ASXL3: variants seen among roughly 807,000 people sequenced by gnomAD.
The protein encoded by ASXL3 is ASXL transcriptional regulator 3, also known as putative Polycomb group protein ASXL3.
Under a neutral mutation model 170.6 loss-of-function variants are expected in ASXL3, and 34 were observed. The observed-to-expected ratio is 0.20, with a 90% CI of 0.15 to 0.27. The LOEUF (loss-of-function observed/expected upper bound fraction) is 0.27, where lower values mean the gene tolerates loss of function less well. Ranked by LOEUF, ASXL3 falls within the 10% of genes least tolerant of loss-of-function variation. ASXL3 has a pLI of 1.00. For synonymous variants in ASXL3, 1,002 were observed against 989.1 expected, an observed-to-expected ratio of 1.01 and a Z score of -0.24; for missense variants, 2,592 against 2,695.3, an observed-to-expected ratio of 0.96 and a Z score of 0.85.
chr18:33,733,723 C>T (rs2067491852), intron 9 of ASXL3, among the ~76,000 whole-genome samples: 1 of 152,072 alleles, frequency 6.6e-6, no homozygotes, highest in Admixed American at 6.5e-5. Flanking sequence ...TTATTTCTTG[C>T]TGTTTTACTC....
intron 4 of ASXL3, among the ~76,000 whole-genome samples, chr18:33,652,377 AT>A (rs1340067768): frequency 6.6e-6 from 1 of 152,042 alleles, no homozygotes; most frequent in Non-Finnish European, 1.5e-5. Context: ...ATAAATTGTT[AT>A]TAACAAGAAA....
intron 2 of ASXL3, 53 bp downstream of exon 2, chr18:33,607,729 C>A: frequency 7.3e-7 from 1 of 1,368,980 alleles, no homozygotes; most frequent in Non-Finnish European, 1.0e-6. Flanking sequence ...ATAATTGCCA[C>A]TCGTTGCTAA....
Position 33,738,669 on chromosome 18 carries a change from T to G in ASXL3, c.1265T>G (p.Leu422Arg). The change falls in exon 11 of 12, where the codon CTT becomes CGT. Residue 422 changes from leucine (L) to arginine (R), a missense_variant. Coordinates refer to ENST00000269197, the MANE Select transcript of ASXL3 (RefSeq NM_030632.3). ...ASPEPGFCATLCPMVEIPPKD... is the reference protein window; with the variant it reads ...ASPEPGFCATRCPMVEIPPKD... ...CCAGAGCCTGGTTTCTGTGCTACTC[T>G]TTGCCCTATGGTAGAAATTCCACCT... 1 of 1,613,954 alleles carries G rather than the reference T, an allele frequency of 6.2e-7. No individual in the cohort carries two copies. The highest frequency in any genetic ancestry group is 8.5e-7 in the Non-Finnish European group (1 of 1,179,848).
At chr18:33,680,849 A>G (rs556819855) in intron 7 of ASXL3, among the ~76,000 whole-genome samples, 9 of 151,682 alleles carry the variant, frequency 5.9e-5, no homozygotes, top group African/African-American at 1.9e-4. Context: ...TTTCCATATA[A>G]TTTTTATTTT....
At chr18:33,579,425 A>C (rs977474739) in intron 1 of ASXL3, among the ~76,000 whole-genome samples, 1 of 152,118 alleles carries the variant, frequency 6.6e-6, no homozygotes, top group Non-Finnish European at 1.5e-5. Flanking sequence ...TTAAGAGTGT[A>C]CAGCTAGGTG....
At chr18:33,590,676 T>C (rs1312829247) in intron 1 of ASXL3, among the ~76,000 whole-genome samples, 1 of 152,152 alleles carries the variant, frequency 6.6e-6, no homozygotes, top group Non-Finnish European at 1.5e-5. Flanking sequence ...ATGTTAAAGC[T>C]CAGGCATCCA....
chr18:33,710,215 C>T (rs1014359343), intron 8 of ASXL3, among the ~76,000 whole-genome samples: 2 of 152,122 alleles, frequency 1.3e-5, no homozygotes, highest in Admixed American at 6.5e-5. Flanking sequence ...AAGATCAGAT[C>T]GCACCACTGT....
In ASXL3 at chr18:33,744,918, G is replaced by T; in HGVS notation, c.5070G>T (p.Glu1690Asp). The T allele has an allele frequency of 6.2e-7, 1 of 1,614,006 alleles. No individual in the cohort carries two copies. Among genetic ancestry groups the T allele is most frequent in the Non-Finnish European group, 8.5e-7 (1 of 1,179,898 alleles). The change falls in exon 12 of 12, where the codon GAG becomes GAT. Residue 1690 changes from glutamate to aspartate, a missense_variant. By Grantham distance (45) the Glu-to-Asp change is conservative. Around this residue, in one of 4 missense-constraint regions of ASXL3, gnomAD observed 2,246 missense variants for 2,219.6 expected, o/e 1.01. Coordinates refer to ENST00000269197, the MANE Select transcript of ASXL3 (RefSeq NM_030632.3). Reference protein sequence around the residue: ...RMDTEDFPGPELPPPAAEGAS... With the variant: ...RMDTEDFPGPDLPPPAAEGAS... ...ACACTGAAGACTTCCCTGGCCCTGA[G>T]CTGCCTCCTCCGGCTGCAGAGGGAG...
intron 1 of ASXL3, among the ~76,000 whole-genome samples, chr18:33,598,113 C>A (rs930838553): frequency 6.6e-6 from 1 of 152,062 alleles, no homozygotes; most frequent in Non-Finnish European, 1.5e-5. Flanking sequence ...ATACACTAAG[C>A]ACCTTAATTT....
chr18:33,729,620 AAAG>A (rs2067409961), intron 8 of ASXL3, among the ~76,000 whole-genome samples: 1 of 152,260 alleles, frequency 6.6e-6, no homozygotes, highest in African/African-American at 2.4e-5. Context: ...AATGTATTGG[AAAG>A]AAGGAAAAAA....
chr18:33,679,941 A>G (rs556545382), intron 7 of ASXL3, among the ~76,000 whole-genome samples: 1 of 152,134 alleles, frequency 6.6e-6, no homozygotes, highest in East Asian at 1.9e-4. Flanking sequence ...AATAAAAAAT[A>G]CTTTTTTATT....
chr18:33,715,374 A>G (rs2067147367), intron 8 of ASXL3, among the ~76,000 whole-genome samples: 1 of 152,192 alleles, frequency 6.6e-6, no homozygotes, highest in Non-Finnish European at 1.5e-5. Context: ...GATCTACTAT[A>G]TATGTTAGCA....
intron 8 of ASXL3, among the ~76,000 whole-genome samples, chr18:33,708,530 A>G (rs1329531945): frequency 6.6e-6 from 1 of 152,130 alleles, no homozygotes; most frequent in African/African-American, 2.4e-5. Flanking sequence ...CATAAGTACT[A>G]TATAACACCC....
At chr18:33,628,591 C>A (rs2065634024) in intron 2 of ASXL3, among the ~76,000 whole-genome samples, 2 of 152,086 alleles carry the variant, frequency 1.3e-5, no homozygotes, top group African/African-American at 4.8e-5. Context: ...AGTAAAGATA[C>A]CCCACACTGG....
chr18:33,743,769 C>T lies in ASXL3; in HGVS notation c.3921C>T (p.Ala1307=), dbSNP rs1161946579. The change falls in exon 12 of 12, where the codon GCC becomes GCT. Residue 1307 remains alanine, a synonymous_variant. Transcript: ENST00000269197. ...PKCIESTPIS[A]TTEGSSISSS... Reference sequence around the variant, plus strand: ...GTATTGAAAGCACTCCCATTTCAGCCACTACAGAGGGCTCCAGCATATCAA... The same window carrying T: ...GTATTGAAAGCACTCCCATTTCAGCTACTACAGAGGGCTCCAGCATATCAA... The T allele has an allele frequency of 3.1e-6, 5 of 1,613,840 alleles. No individual in the cohort carries two copies. The highest frequency in any genetic ancestry group is 3.3e-5 in the Admixed American group (2 of 60,006).
intron 8 of ASXL3, among the ~76,000 whole-genome samples, chr18:33,697,519 T>C (rs1372920344): frequency 6.6e-6 from 1 of 152,140 alleles, no homozygotes; most frequent in Non-Finnish European, 1.5e-5. Flanking sequence ...TTATGATATC[T>C]TAGGCAGAAC....
intron 8 of ASXL3, among the ~76,000 whole-genome samples, chr18:33,689,160 T>G (rs1414722409): frequency 6.6e-6 from 1 of 152,054 alleles, no homozygotes; most frequent in African/African-American, 2.4e-5. Context: ...ATCTGGCTAA[T>G]TTTTTATATT....
chr18:33,739,949 C>T lies in ASXL3; in HGVS notation c.2545C>T (p.Pro849Ser). The change falls in exon 11 of 12, where the codon CCT (proline) becomes TCT (serine). Residue 849 changes from proline (P) to serine (S), a missense_variant. By Grantham distance (74) the Pro-to-Ser change is moderately conservative (BLOSUM62 -1). This residue lies in a region of ASXL3 where 2,246 missense variants were observed against 2,219.6 expected (regional missense o/e 1.01). Coordinates refer to ENST00000269197, the MANE Select transcript of ASXL3 (RefSeq NM_030632.3). ...ACATGTTGACACTGAGAAGCCCTAC[C>T]CTGCTTCAATTCCAGAACTTGCTTC... The part of the protein sequence containing the change: ...KSHVDTEKPY[P>S]ASIPELASTE... The T allele has an allele frequency of 1.2e-6, 2 of 1,613,880 alleles. No individual in the cohort carries two copies. The highest frequency in any genetic ancestry group is 1.7e-6 in the Non-Finnish European group (2 of 1,179,876).
Position 33,740,360 on chromosome 18 carries a change from C to G in ASXL3, c.2956C>G (p.Gln986Glu). Reference sequence around the variant, plus strand: ...AAAGAGAGCTAGGATAGAAGATGATCAGTCAACCCGGAACATATCATCTAG... The same window carrying G: ...AAAGAGAGCTAGGATAGAAGATGATGAGTCAACCCGGAACATATCATCTAG... ...KEKRARIEDD[Q>E]STRNISSSSP... The change falls in exon 11 of 12, where the codon CAG becomes GAG. Residue 986 changes from glutamine to glutamate, a missense_variant. Physicochemically the swap from Gln to Glu is conservative, Grantham distance 29. Coordinates refer to ENST00000269197, the MANE Select transcript of ASXL3 (RefSeq NM_030632.3). 6.2e-7 allele frequency: 1 copy of G among 1,610,998 alleles called. No homozygotes were observed. Among genetic ancestry groups the G allele is most frequent in the Non-Finnish European group, 8.5e-7 (1 of 1,178,448 alleles).
Sources: gnomAD v4.1 joint callset for allele counts (sites outside exome capture counted in the v4.1 genomes callset) on GRCh38, gnomAD v4.1.1 for gene constraint, gnomAD v4.1.1 regional missense constraint, MANE v1.5 for transcripts, NCBI Gene and HGNC (gene_info 2026-07-23, HGNC 2026-07-21) for gene names.